The following ASIC2 variants were observed in gnomAD, a reference collection of about 807,000 sequenced individuals.
ASIC2 encodes the protein acid-sensing ion channel 2.
In ASIC2, 25 loss-of-function variants were observed where a neutral mutation model predicts 57.3. That is an observed-to-expected ratio of 0.44 (90% CI 0.32 to 0.61). ASIC2 has a LOEUF of 0.61. Among genes scored for constraint, ASIC2 ranks in the 20% least tolerant of loss-of-function variants. The pLI is 0.06. For synonymous variants in ASIC2, 319 were observed against 307.5 expected (o/e 1.04, Z -0.39); for missense variants, 641 against 738.1 (o/e 0.87, Z 1.52).
intron 1 of ASIC2, among the ~76,000 whole-genome samples, chr17:33,475,875 C>T (rs147335601): frequency 6.8e-4 from 103 of 152,292 alleles, no homozygotes; most frequent in African/African-American, 2.1e-3. Flanking sequence ...GATCTCCAGC[C>T]GCTGCCCATA....
chr17:33,698,786 G>A lies in ASIC2; in HGVS notation c.555+457192C>T, dbSNP rs563664028. On this transcript the variant is annotated intron_variant, in intron 1 of 9. Coordinates refer to the ASIC2 transcript ENST00000359872. ...AGGCTGCGGTATGGTGAGGCTGAAT[G>A]GGGTCTATGGCTTGGGAGAAAGAAA... 4.6e-5 allele frequency among the ~76,000 whole-genome samples: 7 copies of A among 152,246 alleles called. No homozygotes were observed. The South Asian group carries it at 1.2e-3, about 27-fold the overall frequency.
chr17:33,662,931 G>T (rs910653969), intron 1 of ASIC2, among the ~76,000 whole-genome samples: 1 of 152,120 alleles, frequency 6.6e-6, no homozygotes, highest in Non-Finnish European at 1.5e-5. Flanking sequence ...TTTCAAAAGG[G>T]TTCGTATTCA....
chr17:33,159,705 T>A (rs1237774826), intron 1 of ASIC2, among the ~76,000 whole-genome samples: 1 of 152,178 alleles, frequency 6.6e-6, no homozygotes, highest in South Asian at 2.1e-4. Context: ...ATGGGGCTGG[T>A]TTGAAGTAGA....
intron 1 of ASIC2, among the ~76,000 whole-genome samples, chr17:33,949,508 C>T (rs996256507): frequency 7.9e-5 from 12 of 152,062 alleles, no homozygotes; most frequent in South Asian, 4.2e-4. Flanking sequence ...TTAAAGGTAC[C>T]GCATACCTTT....
chr17:34,031,527 G>C (rs533281041), intron 1 of ASIC2, among the ~76,000 whole-genome samples: 1 of 152,316 alleles, frequency 6.6e-6, no homozygotes, highest in Admixed American at 6.5e-5. Flanking sequence ...ACTTTGACGA[G>C]TTGAGAGAAG....
intron 1 of ASIC2, among the ~76,000 whole-genome samples, chr17:34,054,841 G>C (rs770675809): frequency 1.3e-5 from 2 of 152,238 alleles, no homozygotes; most frequent in Admixed American, 6.5e-5. Flanking sequence ...AACTGAGAGA[G>C]ACATTATGCA....
At chr17:33,139,891 T>TTCACGGTACAGAAAC in intron 1 of ASIC2, among the ~76,000 whole-genome samples, 1 of 152,356 alleles carries the variant, frequency 6.6e-6, no homozygotes, top group East Asian at 1.9e-4. Flanking sequence ...TGCTAGTCCC[T>TTCACGGTACAGAAAC]TCACGGTACA....
chr17:33,013,822 A>T lies in ASIC2; in HGVS notation c.*143T>A, dbSNP rs2091791530. ...GTTGGACGTGGCCGGAGCGAGGTCTAGGCAGCTAGTCTGCAATGTGTGCAT... is the reference window on the plus strand; with the variant it reads ...GTTGGACGTGGCCGGAGCGAGGTCTTGGCAGCTAGTCTGCAATGTGTGCAT... On this transcript the variant is annotated 3_prime_UTR_variant, in exon 10 of 10. Coordinates refer to ENST00000225823, the MANE Select transcript of ASIC2 (RefSeq NM_183377.2). 2.7e-6 allele frequency: 2 copies of T among 727,790 alleles called. No individual in the cohort carries two copies. The highest frequency in any genetic ancestry group is 2.4e-6 in the Non-Finnish European group (1 of 424,940). The allele number at this position is 727,790 out of a possible 1,614,324, so 45.1% of individuals were successfully genotyped here. A position where few individuals can be genotyped will look rare whatever the true frequency, so the allele number is the denominator to read the frequency against.
intron 1 of ASIC2, among the ~76,000 whole-genome samples, chr17:33,831,306 C>T (rs1448160410): frequency 6.6e-6 from 1 of 151,908 alleles, no homozygotes; most frequent in Non-Finnish European, 1.5e-5. Flanking sequence ...TTTCCCCAGA[C>T]ATGAGATTGA....
chr17:33,552,769 G>C (rs989183329), intron 1 of ASIC2, among the ~76,000 whole-genome samples: 32 of 152,238 alleles, frequency 2.1e-4, no homozygotes, highest in African/African-American at 7.7e-4. Flanking sequence ...TTTGTCAAAA[G>C]TTACGTACTG....
chr17:33,698,267 G>A (rs997488281), intron 1 of ASIC2, among the ~76,000 whole-genome samples: 3 of 152,070 alleles, frequency 2.0e-5, no homozygotes, highest in Admixed American at 6.6e-5. Context: ...TTCCATCCCA[G>A]TTCTACTTCA....
intron 1 of ASIC2, among the ~76,000 whole-genome samples, chr17:33,185,652 A>G (rs1906163624): frequency 6.6e-6 from 1 of 152,178 alleles, no homozygotes; most frequent in Non-Finnish European, 1.5e-5. Flanking sequence ...ACAAGATAAG[A>G]GTACACAAGA....
At chr17:33,180,353 G>A (rs1000459091) in intron 1 of ASIC2, among the ~76,000 whole-genome samples, 1 of 152,186 alleles carries the variant, frequency 6.6e-6, no homozygotes, top group Non-Finnish European at 1.5e-5. Context: ...TCTGAATTAG[G>A]GTAACCAGAC....
At chr17:33,678,627 T>C (rs1907902126) in intron 1 of ASIC2, among the ~76,000 whole-genome samples, 1 of 152,090 alleles carries the variant, frequency 6.6e-6, no homozygotes, top group Admixed American at 6.5e-5. Flanking sequence ...GACTCTCCTT[T>C]GCAAAAAGAG....
rs1015100104 is a variant in ASIC2, at chr17:33,373,516, C to G, written c.556-261449G>C. ...GCCTTTGTGAAAACTAATGAGGGACCACAAGATTAGGATTCTGAGAGAGGC... is the reference window on the plus strand; with the variant it reads ...GCCTTTGTGAAAACTAATGAGGGACGACAAGATTAGGATTCTGAGAGAGGC... On this transcript the variant is annotated intron_variant, in intron 1 of 9. Transcript: ENST00000359872. Among the ~76,000 whole-genome samples, 11 of 152,314 alleles carry G rather than the reference C, an allele frequency of 7.2e-5. No homozygotes were observed. The East Asian group carries it at 1.2e-3, about 16-fold the overall frequency.
chr17:34,035,859 C>T (rs1364134098), intron 1 of ASIC2, among the ~76,000 whole-genome samples: 4 of 151,954 alleles, frequency 2.6e-5, no homozygotes, highest in Non-Finnish European at 5.9e-5. Context: ...GTTAGAATGG[C>T]AATCATTAAA....
chr17:33,349,635 C>T (rs1046204051), intron 1 of ASIC2, among the ~76,000 whole-genome samples: 5 of 152,134 alleles, frequency 3.3e-5, no homozygotes, highest in Non-Finnish European at 7.3e-5. Context: ...TGGCAGAGTG[C>T]CTGGAAGCTT....
chr17:33,068,862 C>T (rs2092055484), intron 3 of ASIC2, among the ~76,000 whole-genome samples: 1 of 151,940 alleles, frequency 6.6e-6, no homozygotes, highest in Admixed American at 6.5e-5. Context: ...CATCATTTTC[C>T]TTGCCATGCT....
At chr17:33,879,893 G>A (rs178441) in intron 1 of ASIC2, among the ~76,000 whole-genome samples, 41,505 of 152,012 alleles carry the variant, frequency 0.27, 5,883 homozygotes, top group Middle Eastern at 0.36. Context: ...AACAGAAATT[G>A]TAACAAACTG....
Sources: allele counts gnomAD v4.1 joint callset (sites outside exome capture counted in the v4.1 genomes callset), GRCh38; gene constraint gnomAD v4.1.1; transcripts MANE v1.5; gene names NCBI Gene and HGNC (gene_info 2026-07-23, HGNC 2026-07-21).